Variants in IFT140 observed in about 807,000 individuals in gnomAD.
IFT140 encodes intraflagellar transport 140.
In IFT140, 133 loss-of-function variants were observed where a neutral mutation model predicts 164.6. The ratio of observed to expected loss-of-function variants is 0.81; its 90% CI spans 0.70 to 0.93. IFT140 has a LOEUF of 0.93. IFT140 is among the 40% of genes least tolerant of loss of function. IFT140 has a pLI of 0.00. For synonymous variants in IFT140, 860 were observed against 817.3 expected, an observed-to-expected ratio of 1.05 and a Z score of -0.89; for missense variants, 2,045 against 1,972.3, an observed-to-expected ratio of 1.04 and a Z score of -0.70.
At chr16:1,521,513 C>T (rs1290061123) in intron 26 of IFT140, among the ~76,000 whole-genome samples, 1 of 152,074 alleles carries the variant, frequency 6.6e-6, no homozygotes, top group Admixed American at 6.5e-5. Context: ...CTCAGCCTAC[C>T]AAGTAGCTGG....
At chr16:1,611,490 C>T (rs963305238) in intron 1 of IFT140, among the ~76,000 whole-genome samples, 6 of 86,824 alleles carry the variant, frequency 6.9e-5, no homozygotes, top group African/African-American at 2.6e-4. Context: ...CAGAGCGAGT[C>T]AAAAAAAAAA....
chr16:1,535,480 C>T (rs927920431), intron 19 of IFT140, among the ~76,000 whole-genome samples: 3 of 152,218 alleles, frequency 2.0e-5, no homozygotes, highest in African/African-American at 7.2e-5. Context: ...GCCTCACAGA[C>T]TCGGGGTTGG....
intron 19 of IFT140, chr16:1,528,867 G>A (rs2030123523): frequency 6.6e-6 from 1 of 152,252 alleles, no homozygotes; most frequent in Non-Finnish European, 1.5e-5. Context: ...GAGAAGGAGG[G>A]GCTCGGGAGG....
intron 26 of IFT140, among the ~76,000 whole-genome samples, chr16:1,522,809 G>A (rs1440859177): frequency 6.6e-6 from 1 of 152,206 alleles, no homozygotes; most frequent in African/African-American, 2.4e-5. Flanking sequence ...CTGCACTCCA[G>A]CCTTTCCACC....
Position 1,520,622 on chromosome 16 carries a change from G to A in IFT140, c.3640C>T (p.Gln1214Ter), listed in dbSNP as rs2141147087. Reference sequence around the variant, plus strand: ...CTCACCTTCAGCTTGTTGCCGGCCTGCGTGTACTTCTTGGTGGCCAGGTGG... The same window carrying A: ...CTCACCTTCAGCTTGTTGCCGGCCTACGTGTACTTCTTGGTGGCCAGGTGG... ...SYHLATKKYTQAGNKLKAMRA... is the reference protein window; with the variant it reads ...SYHLATKKYT The change falls in exon 27 of 31, where the codon CAG (glutamine) becomes TAG (stop). Residue 1214 changes from glutamine to a stop codon, truncating the protein, a stop_gained. Coordinates refer to ENST00000426508, the MANE Select transcript of IFT140 (RefSeq NM_014714.4). LOFTEE classifies it high-confidence loss of function. The A allele has an allele frequency of 6.3e-7, 1 of 1,593,448 alleles. No individual in the cohort carries two copies. The highest frequency in any genetic ancestry group is 2.3e-5 in the East Asian group (1 of 43,920).
chr16:1,594,839 C>A (rs1297810763), intron 4 of IFT140, among the ~76,000 whole-genome samples: 6 of 152,236 alleles, frequency 3.9e-5, no homozygotes, highest in African/African-American at 1.4e-4. Flanking sequence ...CCAGGGGACG[C>A]TTCCTGGCCC....
intron 30 of IFT140, among the ~76,000 whole-genome samples, chr16:1,511,390 T>C (rs1230652478): frequency 6.6e-6 from 1 of 152,170 alleles, no homozygotes; most frequent in Non-Finnish European, 1.5e-5. Context: ...TCGGTCAGCA[T>C]TTCAGCTGGA....
At chr16:1,527,000 ACC>A (rs2040723650) in intron 19 of IFT140, 1 of 559,680 alleles carries the variant, frequency 1.8e-6, no homozygotes, top group Non-Finnish European at 3.1e-6. Context: ...GGCCTTCCTA[ACC>A]CCAAGAGGCA....
At chr16:1,581,855 A>G (rs1156608422) in intron 12 of IFT140, among the ~76,000 whole-genome samples, 1 of 149,752 alleles carries the variant, frequency 6.7e-6, no homozygotes, top group African/African-American at 2.5e-5. Context: ...TGTCGGTACA[A>G]TCCTGGACAG....
At chr16:1,522,846 C>T (rs1455318607) in intron 26 of IFT140, among the ~76,000 whole-genome samples, 2 of 152,158 alleles carry the variant, frequency 1.3e-5, no homozygotes, top group African/African-American at 4.8e-5. Context: ...AAAATGGCAT[C>T]TCCGTGAATT....
At chr16:1,511,200 G>C (rs550438130) in intron 30 of IFT140, 50 bp from the exon 31 acceptor site, 2 of 1,498,792 alleles carry the variant, frequency 1.3e-6, no homozygotes, top group African/African-American at 1.4e-5. Context: ...AACCAGGCAC[G>C]ACCCTCTGCC....
chr16:1,582,996 C>T (rs2034656791), intron 12 of IFT140, among the ~76,000 whole-genome samples: 1 of 152,194 alleles, frequency 6.6e-6, no homozygotes, highest in African/African-American at 2.4e-5. Flanking sequence ...CAGAGGCTGG[C>T]CTTGGGTCAA....
rs764663872 is a variant in IFT140, at chr16:1,607,297, C to G, written c.-31G>C. On this transcript the variant is annotated splice_region_variant and 5_prime_UTR_variant, in exon 3 of 31. Transcript: ENST00000426508. ...AACTCAGGCCTCCTCAGCGCTGAAA[C>G]CTGCAGGGAAAAAAAAATGACCAAG... is the stretch of plus-strand genomic sequence containing the variant. 5 of 1,584,644 alleles carry G rather than the reference C, an allele frequency of 3.2e-6. No individual in the cohort carries two copies. The Admixed American group carries it at 5.7e-5, about 18-fold the overall frequency.
chr16:1,605,325 C>A (rs986969545), intron 3 of IFT140, among the ~76,000 whole-genome samples: 4 of 152,152 alleles, frequency 2.6e-5, no homozygotes, highest in Non-Finnish European at 5.9e-5. Context: ...TGATGACTGT[C>A]GCTGCTTGGG....
chr16:1,579,048 A>G (rs2034420743), intron 13 of IFT140, among the ~76,000 whole-genome samples: 1 of 152,238 alleles, frequency 6.6e-6, no homozygotes, highest in Non-Finnish European at 1.5e-5. Context: ...AACGTTAACT[A>G]GTAACAGCCT....
rs199815134 is a variant in IFT140 at position 1,551,449 on chromosome 16, G to A, written c.2399+6486C>T. On this transcript the variant is annotated intron_variant, in intron 19 of 30. Transcript: ENST00000426508. The surrounding 1 kb of genome is among the most constrained non-coding windows in gnomAD (Gnocchi z 4.0). ...GTGGAAAGGGCCACTGGGCCCCAGG[G>A]TGGCAGAAGGGCGGCCGCAGGTAGC... Among the ~76,000 whole-genome samples, 5 of 152,270 alleles carry A rather than the reference G, an allele frequency of 3.3e-5. No homozygotes were observed. In the East Asian group the frequency reaches 7.7e-4, roughly 24 times the overall value.
chr16:1,599,286 A>G (rs186995221), intron 4 of IFT140, among the ~76,000 whole-genome samples: 1,563 of 54,660 alleles, frequency 0.029, 2 homozygotes, highest in African/African-American at 0.063. Flanking sequence ...AGTGAGGAGC[A>G]TCTCCGCCCG....
intron 12 of IFT140, among the ~76,000 whole-genome samples, chr16:1,582,447 C>T (rs72761124): frequency 0.077 from 11,741 of 152,298 alleles, 537 homozygotes; most frequent in African/African-American, 0.11. Flanking sequence ...CTGACGCGAT[C>T]ACTTCTGTCC....
intron 30 of IFT140, among the ~76,000 whole-genome samples, chr16:1,517,021 G>T (rs1316677145): frequency 3.3e-5 from 5 of 152,106 alleles, no homozygotes; most frequent in African/African-American, 1.2e-4. Context: ...TGAGCTAGGG[G>T]ATGGTACTGT....
Sources: gnomAD v4.1 joint callset for allele counts (sites outside exome capture counted in the v4.1 genomes callset) on GRCh38, gnomAD v4.1.1 for gene constraint, Gnocchi (gnomAD v3.1) non-coding constraint, MANE v1.5 for transcripts, NCBI Gene and HGNC (gene_info 2026-07-23, HGNC 2026-07-21) for gene names.